Variants in BAALC observed in about 807,000 individuals in gnomAD.
BAALC encodes brain and acute leukemia cytoplasmic protein.
A neutral mutation model predicts 15.5 loss-of-function variants in BAALC; 9 were observed. The observed-to-expected ratio is 0.58, with a 90% confidence interval of 0.35 to 1.02. BAALC has a LOEUF of 1.02. Ranked by LOEUF, BAALC falls within the 50% of genes least tolerant of loss-of-function variation. BAALC has a pLI of 0.02. For missense variants in BAALC, 201 were observed against 192.4 expected (o/e 1.04, Z -0.27); for synonymous variants, 80 against 74.6 (o/e 1.07, Z -0.37).
At chr8:103,194,598 G>C (rs1174909842) in intron 1 of BAALC, among the ~76,000 whole-genome samples, 3 of 152,190 alleles carry the variant, frequency 2.0e-5, no homozygotes, top group African/African-American at 7.2e-5. Context: ...ATTCTCAGCT[G>C]TCAGTTCATT....
At chr8:103,171,400 G>GGAGGAAGGAAGGAAGGAAA (rs1811488470) in intron 1 of BAALC, among the ~76,000 whole-genome samples, 1 of 41,318 alleles carries the variant, frequency 2.4e-5, no homozygotes, top group Non-Finnish European at 5.9e-5. Context: ...AAGGAAGGAA[G>GGAGGAAGGAAGGAAGGAAA]GAAAGAAAGA....
In BAALC at chr8:103,140,978, G is replaced by T; in HGVS notation, c.81G>T (p.Trp27Cys). The T allele has an allele frequency of 6.5e-7, 1 of 1,539,822 alleles. No homozygotes were observed. The highest frequency in any genetic ancestry group is 8.7e-7 in the Non-Finnish European group (1 of 1,144,256). Residue 27 changes from tryptophan (W) to cysteine (C), a missense_variant, in exon 1 of 3, where the codon TGG becomes TGT. Coordinates refer to ENST00000309982, the MANE Select transcript of BAALC (RefSeq NM_024812.3). This position sits in a 1 kb window ranked among gnomAD's most constrained non-coding sequence, Gnocchi z 4.2. Reference sequence around the variant, plus strand: ...GGACCCGGGAGACAGAATCCACCTGGCTCACCTACACCGACTCGGACGCGC... The same window carrying T: ...GGACCCGGGAGACAGAATCCACCTGTCTCACCTACACCGACTCGGACGCGC... ...ESWTRETEST[W>C]LTYTDSDAPP... is the part of the protein sequence containing the mutation.
chr8:103,168,570 G>A (rs966929908), intron 1 of BAALC, among the ~76,000 whole-genome samples: 2 of 150,900 alleles, frequency 1.3e-5, no homozygotes, highest in Non-Finnish European at 2.9e-5. Flanking sequence ...CTCTGGTTGT[G>A]TAAATCTCCT....
chr8:103,214,600 G>T (rs1007242547), intron 2 of BAALC, among the ~76,000 whole-genome samples: 1 of 152,206 alleles, frequency 6.6e-6, no homozygotes, highest in Non-Finnish European at 1.5e-5. Context: ...CAGAAAACCT[G>T]TTGCAAATTC....
chr8:103,152,162 A>G (rs1811000650), intron 1 of BAALC, among the ~76,000 whole-genome samples: 1 of 151,968 alleles, frequency 6.6e-6, no homozygotes, highest in Non-Finnish European at 1.5e-5. Context: ...TTCCTGTTCT[A>G]CTATGTGTAG....
chr8:103,200,687 G>A, intron 1 of BAALC: 1 of 699,552 alleles, frequency 1.4e-6, no homozygotes, highest in Non-Finnish European at 2.6e-6. Context: ...CAAGATCAAG[G>A]CACCAACAGA....
intron 1 of BAALC, among the ~76,000 whole-genome samples, chr8:103,158,685 A>AATGC (rs142662615): frequency 2.5e-4 from 37 of 150,664 alleles, no homozygotes; most frequent in Non-Finnish European, 3.8e-4. Context: ...CAATACATAC[A>AATGC]ATACATACAT....
intron 1 of BAALC, among the ~76,000 whole-genome samples, chr8:103,161,519 T>C (rs1011364051): frequency 6.6e-6 from 1 of 152,176 alleles, no homozygotes; most frequent in Non-Finnish European, 1.5e-5. Context: ...TGTGTCCTGG[T>C]TTATTAAACC....
chr8:103,160,673 C>T (rs574031606), intron 1 of BAALC, among the ~76,000 whole-genome samples: 2 of 152,206 alleles, frequency 1.3e-5, no homozygotes, highest in South Asian at 4.2e-4. Context: ...TATTAACTTA[C>T]ATGATCACAA....
intron 1 of BAALC, among the ~76,000 whole-genome samples, chr8:103,183,629 G>A (rs894419412): frequency 5.3e-5 from 8 of 152,278 alleles, no homozygotes; most frequent in Middle Eastern, 3.4e-3. Flanking sequence ...TATGACTGCC[G>A]TGGAATTGCT....
At chr8:103,219,144 C>G (rs1812624673) in intron 2 of BAALC, among the ~76,000 whole-genome samples, 1 of 152,192 alleles carries the variant, frequency 6.6e-6, no homozygotes, top group South Asian at 2.1e-4. Context: ...AGATGTGCAC[C>G]TACCTACTGG....
At chr8:103,181,830 G>A (rs1327831961) in intron 1 of BAALC, among the ~76,000 whole-genome samples, 3 of 152,212 alleles carry the variant, frequency 2.0e-5, no homozygotes, top group African/African-American at 2.4e-5. Context: ...CAGGTGAAAA[G>A]TTGGCTTCTT....
chr8:103,166,082 C>G (rs1297817497), intron 1 of BAALC: 1 of 152,614 alleles, frequency 6.6e-6, no homozygotes, highest in Non-Finnish European at 1.5e-5. Context: ...CCATTGTTCG[C>G]TTTTTCTGAA....
chr8:103,178,441 G>A (rs553803011), intron 1 of BAALC, among the ~76,000 whole-genome samples: 15 of 152,322 alleles, frequency 9.8e-5, no homozygotes, highest in South Asian at 8.3e-4. Context: ...ACCAATGTCA[G>A]TACCCTGGAT....
chr8:103,175,637 T>C (rs558039061), intron 1 of BAALC, among the ~76,000 whole-genome samples: 23 of 152,328 alleles, frequency 1.5e-4, no homozygotes, highest in African/African-American at 4.8e-4. Context: ...TGAAGCAGGA[T>C]TGAATTAAGA....
chr8:103,183,039 C>T (rs1811761611), intron 1 of BAALC, among the ~76,000 whole-genome samples: 2 of 152,350 alleles, frequency 1.3e-5, no homozygotes, highest in African/African-American at 4.8e-5. Context: ...AGAATTCAAT[C>T]ACATTCTCAC....
At chr8:103,224,312 G>A (rs1057159187) in intron 2 of BAALC, among the ~76,000 whole-genome samples, 1 of 151,738 alleles carries the variant, frequency 6.6e-6, no homozygotes, top group East Asian at 1.9e-4. Flanking sequence ...AAGGTGAGCG[G>A]GGCACAGCGC....
chr8:103,157,736 G>T (rs1180312590), intron 1 of BAALC, among the ~76,000 whole-genome samples: 2 of 152,166 alleles, frequency 1.3e-5, no homozygotes, highest in Admixed American at 6.5e-5. Context: ...GAGCCTGGGA[G>T]GCAGAGGTTA....
intron 2 of BAALC, among the ~76,000 whole-genome samples, chr8:103,226,396 A>G (rs1465551844): frequency 6.6e-6 from 1 of 152,238 alleles, no homozygotes; most frequent in Non-Finnish European, 1.5e-5. Flanking sequence ...AACTTGAGTG[A>G]GGTGGCTCTC....
Sources: gnomAD v4.1 joint callset for allele counts (sites outside exome capture counted in the v4.1 genomes callset) on GRCh38, gnomAD v4.1.1 for gene constraint, Gnocchi (gnomAD v3.1) non-coding constraint, MANE v1.5 for transcripts, NCBI Gene and HGNC (gene_info 2026-07-23, HGNC 2026-07-21) for gene names.